Variants in ST3GAL4 observed in about 807,000 individuals in gnomAD.
The protein encoded by ST3GAL4 is ST3 beta-galactoside alpha-2,3-sialyltransferase 4.
Under a neutral mutation model 42.6 loss-of-function variants are expected in ST3GAL4, and 24 were observed. The observed-to-expected ratio is 0.56, with a 90% CI of 0.41 to 0.79. ST3GAL4 has a LOEUF of 0.79. Among genes scored for constraint, ST3GAL4 ranks in the 30% least tolerant of loss-of-function variants. The pLI, the probability that ST3GAL4 is intolerant of heterozygous loss-of-function variation, is 0.00. For missense variants in ST3GAL4, 311 were observed against 430.8 expected, an observed-to-expected ratio of 0.72 and a Z score of 2.46; for synonymous variants, 135 against 163.2, an observed-to-expected ratio of 0.83 and a Z score of 1.32.
intron 1 of ST3GAL4, among the ~76,000 whole-genome samples, chr11:126,381,645 C>T (rs1000411786): frequency 6.9e-5 from 10 of 145,420 alleles, no homozygotes; most frequent in Non-Finnish European, 1.1e-4. Flanking sequence ...GTCCAGCCAC[C>T]GACTTCTGCT....
At position 126,369,802 on chromosome 11, in the gene ST3GAL4, G is replaced by A. The variant is rs149878958; in HGVS notation, c.-61+13960G>A. Among the ~76,000 whole-genome samples the A allele has an allele frequency of 9.9e-5, 15 of 152,090 alleles. No homozygotes were observed. The East Asian group carries it at 2.1e-3, about 22-fold the overall frequency. ...ATGAGAGAAAGTCACTCTCCCACCC[G>A]CCCTCTTGAGAGGCAATAGCCTTGT... On this transcript the variant is annotated intron_variant, in intron 1 of 10. Transcript: ENST00000444328.
rs1314005429 is a variant in ST3GAL4, at chr11:126,383,639, T to G, written c.-60-22457T>G. ...GGCGCCTGAGTATGGACTAGTGTGTTTGTGCTGGAGGAGCCTGTGTAGGTT... is the reference window on the plus strand; with the variant it reads ...GGCGCCTGAGTATGGACTAGTGTGTGTGTGCTGGAGGAGCCTGTGTAGGTT... On this transcript the variant is annotated intron_variant, in intron 1 of 10. Coordinates refer to ENST00000444328, the MANE Select transcript of ST3GAL4 (RefSeq NM_001254757.2). This position sits in a 1 kb window ranked among gnomAD's most constrained non-coding sequence, Gnocchi z 4.5. Among the ~76,000 whole-genome samples the G allele has an allele frequency of 5.9e-5, 9 of 152,058 alleles. 1 individual carries two copies. The highest frequency in any genetic ancestry group is 1.2e-4 in the Non-Finnish European group (8 of 67,992).
At chr11:126,382,782 GT>G (rs1953057950) in intron 1 of ST3GAL4, among the ~76,000 whole-genome samples, 1 of 152,244 alleles carries the variant, frequency 6.6e-6, no homozygotes, top group Non-Finnish European at 1.5e-5. Context: ...GGAATCCTCT[GT>G]CCCCAGGCAG....
At position 126,384,956 on chromosome 11, in the gene ST3GAL4, G is replaced by A; in HGVS notation, c.-60-21140G>A. ...GGCCGCCTTGTGCCTGGGAAGGGAG[G>A]ACCAGGTGTCGCTGGCACCTTCCAC... On this transcript the variant is annotated intron_variant, in intron 1 of 10. Transcript: ENST00000444328. This position sits in a 1 kb window ranked among gnomAD's most constrained non-coding sequence, Gnocchi z 5.5. 2.0e-6 allele frequency: 2 copies of A among 978,074 alleles called. No homozygotes were observed. Among genetic ancestry groups the A allele is most frequent in the South Asian group, 9.5e-5 (2 of 21,132 alleles). 60.6% of individuals were successfully genotyped at this position (978,074 alleles called of 1,614,324 possible).
At chr11:126,360,844 T>G (rs749754288) in intron 1 of ST3GAL4, among the ~76,000 whole-genome samples, 24 of 152,242 alleles carry the variant, frequency 1.6e-4, no homozygotes, top group Non-Finnish European at 2.4e-4. Flanking sequence ...GTATGCTGAT[T>G]TGTCTTTGCT....
At chr11:126,358,240 C>T (rs960020654) in intron 1 of ST3GAL4, among the ~76,000 whole-genome samples, 1 of 152,222 alleles carries the variant, frequency 6.6e-6, no homozygotes, top group East Asian at 1.9e-4. Flanking sequence ...TGCAACAGGC[C>T]CCTGCTGGTG....
chr11:126,408,800 G>A (rs1591493328), intron 8 of ST3GAL4: 2 of 467,166 alleles, frequency 4.3e-6, no homozygotes, highest in East Asian at 7.1e-5. Flanking sequence ...AGGAACTCGG[G>A]AGCTGAGCAA....
At position 126,393,022 on chromosome 11, in the gene ST3GAL4, C is replaced by A. The variant is rs1488226992; in HGVS notation, c.-60-13074C>A. On this transcript the variant is annotated intron_variant, in intron 1 of 10. Coordinates refer to ENST00000444328, the MANE Select transcript of ST3GAL4 (RefSeq NM_001254757.2). The surrounding 1 kb of genome is among the most constrained non-coding windows in gnomAD (Gnocchi z 5.9). Reference sequence around the variant, plus strand: ...GGGGGACGATCATAGCTTACTGCAGCCTCGATCTCCTGGACTCAGGGGGTC... The same window carrying A: ...GGGGGACGATCATAGCTTACTGCAGACTCGATCTCCTGGACTCAGGGGGTC... Among the ~76,000 whole-genome samples, 1 of 149,744 alleles carries A rather than the reference C, an allele frequency of 6.7e-6. No individual in the cohort carries two copies. Among genetic ancestry groups the A allele is most frequent in the East Asian group, 1.9e-4 (1 of 5,150 alleles).
chr11:126,388,679 T>TTTTC (rs1239186575), intron 1 of ST3GAL4, among the ~76,000 whole-genome samples: 3 of 122,640 alleles, frequency 2.4e-5, no homozygotes, highest in Non-Finnish European at 5.0e-5. Flanking sequence ...TTTTTTTTTT[T>TTTTC]TTCTGATTTA....
At position 126,386,131 on chromosome 11, in the gene ST3GAL4, C is replaced by T. The variant is rs140457678; in HGVS notation, c.-60-19965C>T. Among the ~76,000 whole-genome samples, 15 of 152,230 alleles carry T rather than the reference C, an allele frequency of 9.9e-5. No homozygotes were observed. The East Asian group carries it at 2.5e-3, about 25-fold the overall frequency. On this transcript the variant is annotated intron_variant, in intron 1 of 10. Transcript: ENST00000444328. This position sits in a 1 kb window ranked among gnomAD's most constrained non-coding sequence, Gnocchi z 4.7. ...CATGGCTGCCCTTCATGTAGGCCTC[C>T]GGTTTATAGCCGGCTCCTCAGAGAC...
intron 1 of ST3GAL4, among the ~76,000 whole-genome samples, chr11:126,401,525 C>T (rs143525001): frequency 1.3e-5 from 2 of 151,080 alleles, no homozygotes; most frequent in African/African-American, 4.9e-5. Context: ...CACTTCACTC[C>T]AGCCTGGGTG....
rs1486274695 is a variant in ST3GAL4, at chr11:126,404,427, G to A, written c.-60-1669G>A. On this transcript the variant is annotated intron_variant, in intron 1 of 10. Coordinates refer to ENST00000444328, the MANE Select transcript of ST3GAL4 (RefSeq NM_001254757.2). ...ATGCTACATGTGGGACTAGAGCTGC[G>A]AACAGGACAGACCCAATTCCAACCC... Among the ~76,000 whole-genome samples, 4 of 152,284 alleles carry A rather than the reference G, an allele frequency of 2.6e-5. No individual in the cohort carries two copies. The South Asian group carries it at 6.2e-4, about 24-fold the overall frequency.
chr11:126,385,480 A>C (rs1180326004), intron 1 of ST3GAL4, among the ~76,000 whole-genome samples: 1 of 152,038 alleles, frequency 6.6e-6, no homozygotes, highest in South Asian at 2.1e-4. Context: ...GCTCCAGACA[A>C]CTCATCCCAA....
At position 126,359,896 on chromosome 11, in the gene ST3GAL4, C is replaced by T. The variant is rs925598575; in HGVS notation, c.-61+4054C>T. Among the ~76,000 whole-genome samples, 6 of 152,270 alleles carry T rather than the reference C, an allele frequency of 3.9e-5. No individual in the cohort carries two copies. The highest frequency in any genetic ancestry group is 8.8e-5 in the Non-Finnish European group (6 of 68,046). Reference sequence around the variant, plus strand: ...CGCCCACATGGCTGCAAGGCAACCACGGCCACACGTGGGGAAGGGGAGGGG... The same window carrying T: ...CGCCCACATGGCTGCAAGGCAACCATGGCCACACGTGGGGAAGGGGAGGGG... On this transcript the variant is annotated intron_variant, in intron 1 of 10. Coordinates refer to ENST00000444328, the MANE Select transcript of ST3GAL4 (RefSeq NM_001254757.2). This position sits in a 1 kb window ranked among gnomAD's most constrained non-coding sequence, Gnocchi z 4.8.
chr11:126,368,559 A>T (rs1952521765), intron 1 of ST3GAL4, among the ~76,000 whole-genome samples: 1 of 152,132 alleles, frequency 6.6e-6, no homozygotes, highest in Non-Finnish European at 1.5e-5. Flanking sequence ...CTCTCCTGGG[A>T]CACAGGTTAG....
chr11:126,390,769 T>TC (rs1953482147), intron 1 of ST3GAL4, among the ~76,000 whole-genome samples: 1 of 152,128 alleles, frequency 6.6e-6, no homozygotes, highest in African/African-American at 2.4e-5. Flanking sequence ...CGTGCTACCA[T>TC]CCCACCATCC....
At chr11:126,368,106 C>T (rs1373218561) in intron 1 of ST3GAL4, among the ~76,000 whole-genome samples, 1 of 150,512 alleles carries the variant, frequency 6.6e-6, no homozygotes, top group Admixed American at 6.6e-5. Flanking sequence ...AAGATCACGC[C>T]ACTGAACTCC....
chr11:126,389,661 C>T (rs910716973), intron 1 of ST3GAL4, among the ~76,000 whole-genome samples: 2 of 152,188 alleles, frequency 1.3e-5, no homozygotes, highest in African/African-American at 4.8e-5. Flanking sequence ...ATCTCCTGGG[C>T]TCAAGTGATC....
rs1431504018 is a variant in ST3GAL4, at chr11:126,410,677, G to A, written c.771+1266G>A. Among the ~76,000 whole-genome samples, 1 of 152,216 alleles carries A rather than the reference G, an allele frequency of 6.6e-6. No homozygotes were observed. The highest frequency in any genetic ancestry group is 1.5e-5 in the Non-Finnish European group (1 of 68,040). On this transcript the variant is annotated intron_variant, in intron 9 of 10. Coordinates refer to ENST00000444328, the MANE Select transcript of ST3GAL4 (RefSeq NM_001254757.2). The surrounding 1 kb of genome is among the most constrained non-coding windows in gnomAD (Gnocchi z 5.3). Reference sequence around the variant, plus strand: ...ATTCCATGTTCTGTGTTGAATGGCTGCTTTTGTGACTGCTCAATGCCAGGC... The same window carrying A: ...ATTCCATGTTCTGTGTTGAATGGCTACTTTTGTGACTGCTCAATGCCAGGC...
Sources: gnomAD v4.1 joint callset for allele counts (sites outside exome capture counted in the v4.1 genomes callset) on GRCh38, gnomAD v4.1.1 for gene constraint, Gnocchi (gnomAD v3.1) non-coding constraint, MANE v1.5 for transcripts, NCBI Gene and HGNC (gene_info 2026-07-23, HGNC 2026-07-21) for gene names.